COL22A1: variants seen among roughly 807,000 people sequenced by gnomAD.
COL22A1 encodes the protein collagen type XXII alpha 1 chain.
In COL22A1, 221 loss-of-function variants were observed where a neutral mutation model predicts 248.9. The ratio of observed to expected loss-of-function variants is 0.89; its 90% confidence interval spans 0.80 to 0.99. The LOEUF is 0.99. Among genes scored for constraint, COL22A1 ranks in the 50% least tolerant of loss-of-function variants. The pLI is 0.00. For missense variants in COL22A1, 2,240 were observed against 2,179.0 expected, an observed-to-expected ratio of 1.03 and a Z score of -0.56; for synonymous variants, 891 against 793.4, an observed-to-expected ratio of 1.12 and a Z score of -2.07.
intron 62 of COL22A1, among the ~76,000 whole-genome samples, chr8:138,595,767 G>A (rs1254262400): frequency 6.6e-6 from 1 of 152,098 alleles, no homozygotes; most frequent in East Asian, 1.9e-4. Flanking sequence ...GCAATGGGAG[G>A]TGCAAGATAA....
intron 2 of COL22A1, among the ~76,000 whole-genome samples, chr8:138,882,460 A>G (rs893304589): frequency 1.4e-5 from 2 of 147,734 alleles, no homozygotes; most frequent in Admixed American, 6.8e-5. Flanking sequence ...ACACTCCCCT[A>G]CACCTCACAC....
intron 48 of COL22A1, among the ~76,000 whole-genome samples, chr8:138,635,848 A>G (rs2132028293): frequency 6.6e-6 from 1 of 152,310 alleles, no homozygotes; most frequent in South Asian, 2.1e-4. Context: ...TTAGCCAAGG[A>G]GCTCATTCAG....
rs1820023676 is a variant in COL22A1, at chr8:138,623,786, C to T, written c.3718-1G>A. On this transcript the variant is annotated splice_acceptor_variant, in intron 51 of 64. Coordinates refer to ENST00000303045, the MANE Select transcript of COL22A1 (RefSeq NM_152888.3). LOFTEE classifies it high-confidence loss of function. Reference sequence around the variant, plus strand: ...CTCTGCCCTCTTTGCCTTCTTCTCCCTGCAAGAGAAACTCAAATTGGTTAT... The same window carrying T: ...CTCTGCCCTCTTTGCCTTCTTCTCCTTGCAAGAGAAACTCAAATTGGTTAT... The T allele has an allele frequency of 1.2e-6, 2 of 1,612,446 alleles. No homozygotes were observed. Among genetic ancestry groups the T allele is most frequent in the Admixed American group, 3.4e-5 (2 of 59,666 alleles).
chr8:138,592,918 G>A (rs770898959), intron 63 of COL22A1, among the ~76,000 whole-genome samples: 3 of 152,076 alleles, frequency 2.0e-5, no homozygotes, highest in African/African-American at 4.8e-5. Context: ...ACATGCACAC[G>A]TATGTTTATT....
At chr8:138,811,216 AATGCAC>A (rs1818182933) in intron 9 of COL22A1, among the ~76,000 whole-genome samples, 1 of 43,602 alleles carries the variant, frequency 2.3e-5, no homozygotes, top group Admixed American at 2.3e-4. Flanking sequence ...TGTTCACAGA[AATGCAC>A]CACTTTTTAA....
rs182306352 is a variant in COL22A1 at position 138,592,533 on chromosome 8, C to G, written c.4616-1032G>C. On this transcript the variant is annotated intron_variant, in intron 63 of 64. Transcript: ENST00000303045. ...GTTTTATGAAATCACATGAGTAGGA[C>G]TAGAATATACAAATTTAACAAAAAG... 2.6e-5 allele frequency among the ~76,000 whole-genome samples: 4 copies of G among 152,094 alleles called. No individual in the cohort carries two copies. In the East Asian group the frequency reaches 7.7e-4, roughly 29 times the overall value.
intron 12 of COL22A1, among the ~76,000 whole-genome samples, chr8:138,785,381 C>A (rs1815427846): frequency 6.6e-6 from 1 of 152,126 alleles, no homozygotes; most frequent in Non-Finnish European, 1.5e-5. Context: ...GGACACCAGT[C>A]CATGAGACAC....
chr8:138,903,721 C>A (rs1814790594), intron 1 of COL22A1, among the ~76,000 whole-genome samples: 1 of 152,168 alleles, frequency 6.6e-6, no homozygotes, highest in Non-Finnish European at 1.5e-5. Context: ...TGATGGGGTA[C>A]ATGGAAGAAT....
At chr8:138,888,391 G>C (rs1271936294) in intron 1 of COL22A1, among the ~76,000 whole-genome samples, 1 of 152,180 alleles carries the variant, frequency 6.6e-6, no homozygotes, top group African/African-American at 2.4e-5. Flanking sequence ...GGCTGAGCAG[G>C]ACTCAGCCAG....
chr8:138,660,913 CAG>C (rs1823829470), intron 43 of COL22A1, among the ~76,000 whole-genome samples: 2 of 146,484 alleles, frequency 1.4e-5, no homozygotes, highest in Non-Finnish European at 3.0e-5. Context: ...CACACATACA[CAG>C]ACACACACAC....
At chr8:138,737,457 T>C (rs913278785) in intron 23 of COL22A1, 67 bp downstream of exon 23, 18 of 1,170,608 alleles carry the variant, frequency 1.5e-5, no homozygotes, top group Admixed American at 6.8e-5. Context: ...TGAGAGCTGC[T>C]GCCTGGTCAT....
intron 47 of COL22A1, among the ~76,000 whole-genome samples, chr8:138,640,997 T>C (rs1195379103): frequency 3.3e-5 from 5 of 152,220 alleles, no homozygotes; most frequent in Non-Finnish European, 7.3e-5. Context: ...AAGTGTTCGC[T>C]GCAAGCTTGT....
chr8:138,664,194 T>TGCGC (rs150972699), intron 41 of COL22A1, among the ~76,000 whole-genome samples: 2,976 of 84,552 alleles, frequency 0.035, 69 homozygotes, highest in East Asian at 0.054. Context: ...CAACAAGGGG[T>TGCGC]GCGCGCGCGC....
intron 1 of COL22A1, among the ~76,000 whole-genome samples, chr8:138,888,167 GGTAGATAAATGACAC>G (rs1240023840): frequency 6.6e-6 from 1 of 152,180 alleles, no homozygotes; most frequent in Non-Finnish European, 1.5e-5. Context: ...GCTGAGGATA[GGTAGATAAATGACAC>G]TGAGCCTACC....
At chr8:138,891,409 T>C (rs911428622) in intron 1 of COL22A1, among the ~76,000 whole-genome samples, 1 of 152,190 alleles carries the variant, frequency 6.6e-6, no homozygotes, top group African/African-American at 2.4e-5. Context: ...GGTCTTGGCA[T>C]CAGATCTGAA....
At chr8:138,658,776 C>T (rs1823522036) in intron 44 of COL22A1, among the ~76,000 whole-genome samples, 1 of 152,128 alleles carries the variant, frequency 6.6e-6, no homozygotes, top group South Asian at 2.1e-4. Flanking sequence ...ACAACCATGC[C>T]TTATCTGATT....
intron 47 of COL22A1, among the ~76,000 whole-genome samples, chr8:138,640,846 A>T (rs993798654): frequency 1.3e-5 from 2 of 152,220 alleles, no homozygotes; most frequent in Non-Finnish European, 2.9e-5. Flanking sequence ...TTCAGAGAAT[A>T]ATAAATGCCC....
At chr8:138,675,450 T>G (rs1261562148) in intron 41 of COL22A1, among the ~76,000 whole-genome samples, 1 of 152,228 alleles carries the variant, frequency 6.6e-6, no homozygotes, top group Non-Finnish European at 1.5e-5. Flanking sequence ...AGACCATGTA[T>G]TACTCCAGTT....
rs751726807 is a variant in COL22A1, at chr8:138,878,034, G to C, written c.374C>G (p.Thr125Arg). The C allele has an allele frequency of 1.2e-5, 19 of 1,591,266 alleles. No individual in the cohort carries two copies. In the South Asian group the frequency reaches 1.5e-4, roughly 12 times the overall value. Residue 125 changes from threonine (T) to arginine (R), a missense_variant, in exon 3 of 65, where the codon ACG becomes AGG. By Grantham distance (71) the Thr-to-Arg change is moderately conservative. Transcript: ENST00000303045. The part of the protein sequence containing the change: ...TNTGDALRYI[T>R]ARSFSPHAGG... ...GGCGTGTGGGGAGAAGCTGCGGGCC[G>C]TGATGTAGCGGAGCGCGTCTCCCGT... is the stretch of plus-strand genomic sequence containing the variant.
Sources: allele counts gnomAD v4.1 joint callset (sites outside exome capture counted in the v4.1 genomes callset), GRCh38; gene constraint gnomAD v4.1.1; transcripts MANE v1.5; gene names NCBI Gene and HGNC (gene_info 2026-07-23, HGNC 2026-07-21).